Variants in RPGRIP1 observed in about 807,000 individuals in gnomAD.
RPGRIP1 encodes the protein RPGR interacting protein 1, also known as X-linked retinitis pigmentosa GTPase regulator-interacting protein 1.
A neutral mutation model predicts 157.9 loss-of-function variants in RPGRIP1; 128 were observed. That is an observed-to-expected ratio of 0.81 (90% CI 0.70 to 0.94). The LOEUF (loss-of-function observed/expected upper bound fraction) is 0.94. Among genes scored for constraint, RPGRIP1 ranks in the 40% least tolerant of loss-of-function variants. The pLI, the probability that RPGRIP1 is intolerant of heterozygous loss-of-function variation, is 0.00. For missense variants in RPGRIP1, 1,486 were observed against 1,545.8 expected (o/e 0.96, Z 0.65); for synonymous variants, 554 against 571.6 (o/e 0.97, Z 0.44).
chr14:21,335,520 G>A (rs112390628), intron 21 of RPGRIP1, among the ~76,000 whole-genome samples: 6,626 of 151,830 alleles, frequency 0.044, 482 homozygotes, highest in African/African-American at 0.15. Flanking sequence ...TAAGAGACAC[G>A]CATCAAAAAA....
At chr14:21,284,270 A>C (rs1880227061) in intron 1 of RPGRIP1, among the ~76,000 whole-genome samples, 1 of 152,176 alleles carries the variant, frequency 6.6e-6, no homozygotes, top group Non-Finnish European at 1.5e-5. Context: ...TCCAGTTGAC[A>C]AGTCAAGCTA....
At chr14:21,281,282 A>G (rs1016396453) in intron 1 of RPGRIP1, among the ~76,000 whole-genome samples, 4 of 152,088 alleles carry the variant, frequency 2.6e-5, no homozygotes, top group African/African-American at 9.7e-5. Context: ...TTGGCCTCCC[A>G]AAGTGCTGGG....
intron 2 of RPGRIP1, among the ~76,000 whole-genome samples, chr14:21,293,752 G>A (rs945091829): frequency 1.3e-5 from 2 of 152,082 alleles, no homozygotes; most frequent in Non-Finnish European, 2.9e-5. Flanking sequence ...GGTGGCTGGC[G>A]CCTATAGTCC....
At chr14:21,298,908 C>G (rs1387227009) in intron 3 of RPGRIP1, among the ~76,000 whole-genome samples, 1 of 143,542 alleles carries the variant, frequency 7.0e-6, no homozygotes, top group Admixed American at 7.3e-5. Context: ...CCACTGTGCT[C>G]CAGCCTGAGC....
chr14:21,294,855 T>G, intron 3 of RPGRIP1, 46 bp downstream of exon 3: 1 of 703,250 alleles, frequency 1.4e-6, no homozygotes, highest in South Asian at 2.4e-5. Flanking sequence ...TTTTTTTTTT[T>G]TTTTTTTGAG....
At position 21,294,809 on chromosome 14, in the gene RPGRIP1, G is replaced by A. The variant is rs1880693912; in HGVS notation, c.218G>A (p.Arg73Lys). The part of the protein sequence containing the change: ...LSWKQQDEIK[R>K]LRTTLLRLTA... The stretch of plus-strand genomic sequence containing the variant: ...TGGAAGCAACAGGATGAGATCAAAA[G>A]GTACTTAGAGTTCTCCTTAAATTTT... The change falls in exon 3 of 25, where the codon AGG (arginine) becomes AAG (lysine). Residue 73 changes from arginine (R) to lysine (K), a missense_variant and splice_region_variant. Physicochemically the swap from Arg to Lys is conservative, Grantham distance 26. Coordinates refer to ENST00000400017, the MANE Select transcript of RPGRIP1 (RefSeq NM_020366.4). 4.6e-6 allele frequency: 6 copies of A among 1,302,542 alleles called. No homozygotes were observed. Among genetic ancestry groups the A allele is most frequent in the Middle Eastern group, 2.0e-4 (1 of 4,908 alleles). 80.7% of individuals were successfully genotyped at this position (1,302,542 alleles called of 1,614,324 possible).
Position 21,325,218 on chromosome 14 carries a change from T to C in RPGRIP1, c.2216-14T>C. 1 of 1,591,564 alleles carries C rather than the reference T, an allele frequency of 6.3e-7. No homozygotes were observed. The highest frequency in any genetic ancestry group is 8.5e-7 in the Non-Finnish European group (1 of 1,170,680). ...ATCTGTATTCCCCCTGCTTTCACAC[T>C]TTCTGCTACCCAGGAGCTGGTGGAG... is the stretch of plus-strand genomic sequence containing the variant. On this transcript the variant is annotated splice_polypyrimidine_tract_variant and intron_variant, in intron 15 of 24. Coordinates refer to ENST00000400017, the MANE Select transcript of RPGRIP1 (RefSeq NM_020366.4).
intron 2 of RPGRIP1, among the ~76,000 whole-genome samples, chr14:21,288,626 T>G (rs1378173491): frequency 6.6e-6 from 1 of 151,780 alleles, no homozygotes; most frequent in African/African-American, 2.4e-5. Flanking sequence ...GCAGTTCTCC[T>G]ACCTCAGACT....
At chr14:21,342,543 CA>C (rs58979311) in intron 21 of RPGRIP1, among the ~76,000 whole-genome samples, 25,136 of 113,174 alleles carry the variant, frequency 0.22, 2,503 homozygotes, top group Middle Eastern at 0.31. Context: ...GACTCTGTCT[CA>C]AAAAAAAAAA....
intron 1 of RPGRIP1, among the ~76,000 whole-genome samples, chr14:21,281,181 C>A (rs1050820654): frequency 3.3e-5 from 5 of 151,878 alleles, no homozygotes; most frequent in African/African-American, 1.2e-4. Flanking sequence ...CCATGCCCAG[C>A]TAATTTTTGC....
rs1881180591 is a variant in RPGRIP1, at chr14:21,304,325, A to C, written c.800+782A>C. Among the ~76,000 whole-genome samples the C allele has an allele frequency of 2.0e-5, 3 of 150,524 alleles. No individual in the cohort carries two copies. The South Asian group carries it at 6.3e-4, about 32-fold the overall frequency. On this transcript the variant is annotated intron_variant, in intron 6 of 24. Coordinates refer to ENST00000400017, the MANE Select transcript of RPGRIP1 (RefSeq NM_020366.4). ...AGCAAAACTCTGTCAAAAAAAAAAA[A>C]AAGAGGAAAGAAGGAAGGAGGGAGG... is the stretch of plus-strand genomic sequence containing the variant.
intron 24 of RPGRIP1, among the ~76,000 whole-genome samples, chr14:21,350,736 C>A (rs976535089): frequency 6.6e-6 from 1 of 152,132 alleles, no homozygotes; most frequent in African/African-American, 2.4e-5. Context: ...GTGACGTTAT[C>A]TTTGTGGGCT....
intron 11 of RPGRIP1, chr14:21,318,206 A>G (rs1380476748): frequency 1.9e-5 from 9 of 463,390 alleles, no homozygotes; most frequent in Non-Finnish European, 3.8e-5. Context: ...TCCCAGGTAC[A>G]AGCGATTCTC....
At chr14:21,342,878 C>T (rs1287130606) in intron 21 of RPGRIP1, among the ~76,000 whole-genome samples, 158 bp from the exon 22 acceptor site, 1 of 152,040 alleles carries the variant, frequency 6.6e-6, no homozygotes, top group African/African-American at 2.4e-5. Context: ...CTTTTGATGC[C>T]AGTTTTACCT....
At position 21,326,080 on chromosome 14, in the gene RPGRIP1, C is replaced by G. The variant is rs753100862; in HGVS notation, c.2617C>G (p.His873Asp). ...TCTGAGACGGGAGGCCTTGTCTATA[C>G]ATGTTTTTGATGATGAAGACTTAGA... is the stretch of plus-strand genomic sequence containing the variant. ...HYLRREALSI[H>D]VFDDEDLEPG... Residue 873 changes from histidine (H) to aspartate (D), a missense_variant, in exon 17 of 25, where the codon CAT (histidine) becomes GAT (aspartate). Physicochemically the swap from His to Asp is moderately conservative, Grantham distance 81. Coordinates refer to ENST00000400017, the MANE Select transcript of RPGRIP1 (RefSeq NM_020366.4). 53 of 1,613,550 alleles carry G rather than the reference C, an allele frequency of 3.3e-5. No homozygotes were observed. Among genetic ancestry groups the G allele is most frequent in the Non-Finnish European group, 4.3e-5 (51 of 1,179,648 alleles).
chr14:21,326,867 C>A (rs1883167244), intron 17 of RPGRIP1, among the ~76,000 whole-genome samples: 1 of 152,040 alleles, frequency 6.6e-6, no homozygotes, highest in African/African-American at 2.4e-5. Flanking sequence ...ACACAAATTT[C>A]TTGGATTTTT....
intron 14 of RPGRIP1, among the ~76,000 whole-genome samples, chr14:21,323,481 T>C (rs1217759014): frequency 5.3e-5 from 8 of 151,914 alleles, no homozygotes; most frequent in Admixed American, 5.2e-4. Context: ...GATTTATCCA[T>C]GTCAGCGTGA....
intron 17 of RPGRIP1, 113 bp downstream of exon 17, chr14:21,326,286 GATAAAGGATTTAGA>G: frequency 2.9e-6 from 2 of 684,626 alleles, no homozygotes; most frequent in Non-Finnish European, 4.8e-6. Context: ...AAAACCTGAA[GATAAAGGATTTAGA>G]ATATTGTCAA....
chr14:21,317,401 T>C (rs896427883), intron 10 of RPGRIP1: 4 of 586,584 alleles, frequency 6.8e-6, no homozygotes, highest in Non-Finnish European at 1.2e-5. Flanking sequence ...CATAGTTCCC[T>C]GACTAAAGAA....
Sources: gnomAD v4.1 joint callset for allele counts (sites outside exome capture counted in the v4.1 genomes callset) on GRCh38, gnomAD v4.1.1 for gene constraint, MANE v1.5 for transcripts, NCBI Gene and HGNC (gene_info 2026-07-23, HGNC 2026-07-21) for gene names.